Variants in TNR observed in about 807,000 individuals in gnomAD.
TNR encodes tenascin-R.
A neutral mutation model predicts 150.4 loss-of-function variants in TNR; 45 were observed. That is an observed-to-expected ratio of 0.30 (90% confidence interval 0.24 to 0.38). TNR has a LOEUF of 0.38. Ranked by LOEUF, TNR falls within the 10% of genes least tolerant of loss-of-function variation. The pLI is 1.00. For missense variants in TNR, 1,544 were observed against 1,759.1 expected, an observed-to-expected ratio of 0.88 and a Z score of 2.19; for synonymous variants, 687 against 678.4, an observed-to-expected ratio of 1.01 and a Z score of -0.20.
At chr1:175,603,524 T>A (rs1213469656) in intron 1 of TNR, among the ~76,000 whole-genome samples, 1 of 152,222 alleles carries the variant, frequency 6.6e-6, no homozygotes, top group Non-Finnish European at 1.5e-5. Flanking sequence ...AAGTGTTAGG[T>A]TTTTATAGGA....
At chr1:175,588,170 T>A (rs755253146) in intron 1 of TNR, among the ~76,000 whole-genome samples, 17 of 152,334 alleles carry the variant, frequency 1.1e-4, no homozygotes, top group Non-Finnish European at 2.2e-4. Context: ...TTCAATAAGA[T>A]ATTCCATAAC....
At chr1:175,444,579 G>T (rs1655950112) in intron 2 of TNR, among the ~76,000 whole-genome samples, 1 of 152,130 alleles carries the variant, frequency 6.6e-6, no homozygotes, top group African/African-American at 2.4e-5. Context: ...AAATACCATG[G>T]TTTATTCACT....
intron 1 of TNR, among the ~76,000 whole-genome samples, chr1:175,648,752 C>T (rs1445083263): frequency 6.6e-6 from 1 of 152,208 alleles, no homozygotes; most frequent in Non-Finnish European, 1.5e-5. Context: ...CCTCTGACAG[C>T]TCTCTGCCTA....
At position 175,324,446 on chromosome 1, in the gene TNR, G is replaced by C; in HGVS notation, c.3867C>G (p.Asn1289Lys). The part of the protein sequence containing the change: ...EDRDNDVAVT[N>K]CAMSYKGAWW... ...ATGCTCCCTTGTACGACATGGCACA[G>C]TTAGTCACTGCAACATCATTGTCTC... Residue 1289 changes from asparagine to lysine, a missense_variant, in exon 22 of 23, where the codon AAC (asparagine) becomes AAG (lysine). Physicochemically the swap from Asn to Lys is moderately conservative, Grantham distance 94. Around this residue, in one of 2 missense-constraint regions of TNR, gnomAD observed 290 missense variants for 429.7 expected, o/e 0.67. Coordinates refer to ENST00000367674, the MANE Select transcript of TNR (RefSeq NM_003285.3). 6.2e-7 allele frequency: 1 copy of C among 1,614,154 alleles called. No individual in the cohort carries two copies. The highest frequency in any genetic ancestry group is 8.5e-7 in the Non-Finnish European group (1 of 1,180,008).
At position 175,315,911 on chromosome 1, in the gene TNR, T is replaced by G. The variant is rs1275686504; in HGVS notation, c.*7446A>C. On this transcript the variant is annotated 3_prime_UTR_variant, in exon 23 of 23. Transcript: ENST00000367674. Reference sequence around the variant, plus strand: ...ACTCACATAGATTCTAAACCTTGAGTCTGTGGGACCATGGTGTGAGTCTGG... The same window carrying G: ...ACTCACATAGATTCTAAACCTTGAGGCTGTGGGACCATGGTGTGAGTCTGG... The G allele has an allele frequency of 2.0e-5, 3 of 152,110 alleles. No homozygotes were observed. The highest frequency in any genetic ancestry group is 2.0e-4 in the Admixed American group (3 of 15,274). 9.4% of individuals were successfully genotyped at this position (152,110 alleles called of 1,614,324 possible). A position where few individuals can be genotyped will look rare whatever the true frequency, so the allele number is the denominator to read the frequency against.
At chr1:175,497,828 G>A (rs945860501) in intron 2 of TNR, among the ~76,000 whole-genome samples, 6 of 152,188 alleles carry the variant, frequency 3.9e-5, no homozygotes, top group African/African-American at 1.2e-4. Flanking sequence ...GGGAGGCCGA[G>A]GTGGGCAGAT....
chr1:175,587,772 T>A (rs1468109525), intron 1 of TNR, among the ~76,000 whole-genome samples: 1 of 152,212 alleles, frequency 6.6e-6, no homozygotes, highest in Non-Finnish European at 1.5e-5. Context: ...GCCCAGGTGA[T>A]TTTTAATGTG....
chr1:175,391,447 T>C lies in TNR; in HGVS notation c.1357-9A>G, dbSNP rs1169956875. ...ACTCCCCCTTCATTGTTCTGGACAG[T>C]GGGGAGAAGCAGAGAGCAAAAGAGA... On this transcript the variant is annotated splice_polypyrimidine_tract_variant and intron_variant, in intron 6 of 22. Coordinates refer to ENST00000367674, the MANE Select transcript of TNR (RefSeq NM_003285.3). The C allele has an allele frequency of 6.2e-7, 1 of 1,612,318 alleles. No individual in the cohort carries two copies. The highest frequency in any genetic ancestry group is 1.7e-5 in the Admixed American group (1 of 59,742).
chr1:175,487,178 T>A (rs1370506723), intron 2 of TNR, among the ~76,000 whole-genome samples: 1 of 152,216 alleles, frequency 6.6e-6, no homozygotes, highest in Non-Finnish European at 1.5e-5. Flanking sequence ...TTTTGGTGTT[T>A]TAGTCAGGTA....
At chr1:175,647,754 G>A (rs1481512103) in intron 1 of TNR, among the ~76,000 whole-genome samples, 1 of 152,168 alleles carries the variant, frequency 6.6e-6, no homozygotes, top group Non-Finnish European at 1.5e-5. Flanking sequence ...CCTGGAAGCT[G>A]TGTGAATTTA....
intron 8 of TNR, among the ~76,000 whole-genome samples, chr1:175,385,764 G>A (rs1652886420): frequency 6.6e-6 from 1 of 152,210 alleles, no homozygotes; most frequent in Non-Finnish European, 1.5e-5. Context: ...GGAAACCTGA[G>A]GCCCATAGTG....
intron 18 of TNR, 126 bp from the exon 19 acceptor site, chr1:175,337,805 C>T (rs1343492989): frequency 2.3e-5 from 26 of 1,137,026 alleles, no homozygotes; most frequent in East Asian, 1.5e-4. Context: ...AAATCCTCAA[C>T]GGAGCTCAAG....
chr1:175,715,185 C>T (rs1206500568), intron 1 of TNR, among the ~76,000 whole-genome samples: 1 of 152,172 alleles, frequency 6.6e-6, no homozygotes, highest in African/African-American at 2.4e-5. Flanking sequence ...GAAAATACAT[C>T]CTGGGGTTTG....
chr1:175,438,731 A>C (rs1360196427), intron 2 of TNR, among the ~76,000 whole-genome samples: 1 of 152,120 alleles, frequency 6.6e-6, no homozygotes. Flanking sequence ...TTATAAACCA[A>C]TAACAGACAG....
rs545154385 is a variant in TNR at position 175,428,984 on chromosome 1, T to C, written c.-63-22207A>G. Among the ~76,000 whole-genome samples the C allele has an allele frequency of 2.0e-4, 31 of 152,294 alleles. No individual in the cohort carries two copies. In the South Asian group the frequency reaches 6.4e-3, roughly 32 times the overall value. ...CTCCCTTGGGTTTTGAGTCTTCTAG[T>C]TATACATTTGGTCCAAATAAAGCAG... On this transcript the variant is annotated intron_variant, in intron 2 of 22. Transcript: ENST00000367674.
intron 20 of TNR, among the ~76,000 whole-genome samples, chr1:175,331,057 C>CT (rs1185588750): frequency 2.0e-4 from 24 of 119,906 alleles, no homozygotes; most frequent in African/African-American, 7.6e-4. Context: ...TTCTTTCTTT[C>CT]TTTCTTTCTT....
chr1:175,354,298 A>T, intron 18 of TNR, 93 bp downstream of exon 18: 1 of 1,502,840 alleles, frequency 6.7e-7, no homozygotes, highest in Non-Finnish European at 8.9e-7. Flanking sequence ...TTTTTTGATA[A>T]ACTGCTCCCA....
At chr1:175,572,272 C>A (rs936940446) in intron 1 of TNR, among the ~76,000 whole-genome samples, 2 of 152,184 alleles carry the variant, frequency 1.3e-5, no homozygotes, top group South Asian at 2.1e-4. Context: ...TCAACAATTT[C>A]TTGAATGTCC....
At chr1:175,503,243 T>C (rs574268983) in intron 2 of TNR, among the ~76,000 whole-genome samples, 3 of 152,288 alleles carry the variant, frequency 2.0e-5, no homozygotes, top group South Asian at 4.1e-4. Context: ...CCAACAGCAA[T>C]GGGCCCTGAG....
Sources: allele counts gnomAD v4.1 joint callset (sites outside exome capture counted in the v4.1 genomes callset), GRCh38; gene constraint gnomAD v4.1.1; regional missense constraint gnomAD v4.1.1; transcripts MANE v1.5; gene names NCBI Gene and HGNC (gene_info 2026-07-23, HGNC 2026-07-21).